Variants in C2CD2 observed in about 807,000 individuals in gnomAD.
C2CD2 encodes the protein C2 calcium dependent domain containing 2, also known as C2 domain-containing protein 2.
Under a neutral mutation model 74.3 loss-of-function variants are expected in C2CD2, and 43 were observed. That is an observed-to-expected ratio of 0.58 (90% CI 0.45 to 0.75). The LOEUF is 0.75. Among genes scored for constraint, C2CD2 ranks in the 30% least tolerant of loss-of-function variants. The pLI is 0.00. For missense variants in C2CD2, 801 were observed against 916.3 expected (o/e 0.87, Z 1.63); for synonymous variants, 422 against 390.7 (o/e 1.08, Z -0.94).
At chr21:41,935,974 G>A (rs1042112291) in intron 2 of C2CD2, among the ~76,000 whole-genome samples, 1 of 151,382 alleles carries the variant, frequency 6.6e-6, no homozygotes, top group African/African-American at 2.4e-5. Flanking sequence ...TTAAATGTGA[G>A]ACCAGAAACT....
At chr21:41,931,600 G>C (rs975827742) in intron 2 of C2CD2, among the ~76,000 whole-genome samples, 10 of 149,452 alleles carry the variant, frequency 6.7e-5, no homozygotes, top group African/African-American at 2.4e-4. Flanking sequence ...TTTTTTGTAT[G>C]TTAGTAGAGA....
Position 41,924,398 on chromosome 21 carries a change from T to C in C2CD2, c.379-2313A>G, listed in dbSNP as rs1367124970. On this transcript the variant is annotated intron_variant, in intron 2 of 13. Coordinates refer to ENST00000380486, the MANE Select transcript of C2CD2 (RefSeq NM_015500.2). The surrounding 1 kb of genome is among the most constrained non-coding windows in gnomAD (Gnocchi z 4.4). ...AAAAGAAAATCCTGCCTTCTCTCAA[T>C]ATTGGCAGAAAGTCGTGCAACTCTT... Among the ~76,000 whole-genome samples, 1 of 152,210 alleles carries C rather than the reference T, an allele frequency of 6.6e-6. No individual in the cohort carries two copies. The highest frequency in any genetic ancestry group is 1.5e-5 in the Non-Finnish European group (1 of 68,046).
chr21:41,931,560 C>T (rs1198720511), intron 2 of C2CD2, among the ~76,000 whole-genome samples: 3 of 149,058 alleles, frequency 2.0e-5, no homozygotes, highest in Admixed American at 1.3e-4. Context: ...GCAGCTGGGA[C>T]TACAGGCGCG....
chr21:41,941,890 T>C (rs1304631460), intron 2 of C2CD2, among the ~76,000 whole-genome samples: 2 of 152,228 alleles, frequency 1.3e-5, no homozygotes, highest in Non-Finnish European at 2.9e-5. Context: ...CTTTTTCTAC[T>C]TGACACGGTA....
In C2CD2 at chr21:41,926,933, CT is replaced by C. The variant is rs764685056; in HGVS notation, c.379-4849del. Among the ~76,000 whole-genome samples the C allele has an allele frequency of 2.6e-5, 4 of 152,304 alleles. 1 individual carries two copies. On this transcript the variant is annotated intron_variant, in intron 2 of 13. Coordinates refer to ENST00000380486, the MANE Select transcript of C2CD2 (RefSeq NM_015500.2). The surrounding 1 kb of genome is among the most constrained non-coding windows in gnomAD (Gnocchi z 8.0). The stretch of plus-strand genomic sequence containing the variant: ...CCCAAATAAAAGGAAGGCAAAGACC[CT>C]TCAGTAATCATCTGGATTTCCTAGT...
chr21:41,897,340 T>A (rs542658327), intron 13 of C2CD2, among the ~76,000 whole-genome samples: 32 of 152,172 alleles, frequency 2.1e-4, no homozygotes, highest in Middle Eastern at 3.4e-3. Context: ...TCCAGTCAGG[T>A]AAGGGAGAGG....
chr21:41,928,742 C>T (rs2065238531), intron 2 of C2CD2, among the ~76,000 whole-genome samples: 1 of 151,990 alleles, frequency 6.6e-6, no homozygotes, highest in South Asian at 2.1e-4. Context: ...TCAGGTAGAA[C>T]ACACGTGCAC....
chr21:41,931,952 G>A (rs1320771724), intron 2 of C2CD2, among the ~76,000 whole-genome samples: 5 of 24,890 alleles, frequency 2.0e-4, no homozygotes, highest in African/African-American at 7.1e-4. Flanking sequence ...CCCACCTCCA[G>A]CATCCCACCA....
rs1378253726 is a variant in C2CD2, at chr21:41,899,550, CCCTT to C, written c.1561-192_1561-189del. 6.6e-6 allele frequency among the ~76,000 whole-genome samples: 1 copy of C among 152,272 alleles called. No individual in the cohort carries two copies. Among genetic ancestry groups the C allele is most frequent in the East Asian group, 1.9e-4 (1 of 5,162 alleles). ...CTCATGCTTGGGTTAAAAAAGGTCT[CCCTT>C]ACAGCCAGGGCTCAGGATCCCTAGG... On this transcript the variant is annotated intron_variant, in intron 12 of 13. Transcript: ENST00000380486. The surrounding 1 kb of genome is among the most constrained non-coding windows in gnomAD (Gnocchi z 4.4).
chr21:41,931,536 C>G (rs887691216), intron 2 of C2CD2, among the ~76,000 whole-genome samples: 13 of 149,030 alleles, frequency 8.7e-5, no homozygotes, highest in Admixed American at 8.1e-4. Flanking sequence ...AATTCCCCTG[C>G]CTCAGCCTCC....
rs185852426 is a variant in C2CD2, at chr21:41,945,677, G to C, written c.280-3432C>G. Among the ~76,000 whole-genome samples, 14 of 152,294 alleles carry C rather than the reference G, an allele frequency of 9.2e-5. No individual in the cohort carries two copies. The East Asian group carries it at 1.5e-3, about 17-fold the overall frequency. ...CACCTGCAGAGGGAGGGAGGTAACT[G>C]GATCATGGGGCAGTCTCTCCCATAC... is the stretch of plus-strand genomic sequence containing the variant. On this transcript the variant is annotated intron_variant, in intron 1 of 13. Coordinates refer to ENST00000380486, the MANE Select transcript of C2CD2 (RefSeq NM_015500.2). This position sits in a 1 kb window ranked among gnomAD's most constrained non-coding sequence, Gnocchi z 4.2.
chr21:41,930,529 C>G (rs2065253182), intron 2 of C2CD2, among the ~76,000 whole-genome samples: 1 of 149,224 alleles, frequency 6.7e-6, no homozygotes, highest in Non-Finnish European at 1.5e-5. Context: ...GGTGAAACTC[C>G]ATCTCTACTA....
In C2CD2 at chr21:41,953,840, C is replaced by T. The variant is rs2065471516; in HGVS notation, c.-192G>A. 1.1e-5 allele frequency: 4 copies of T among 360,286 alleles called. No homozygotes were observed. Among genetic ancestry groups the T allele is most frequent in the Non-Finnish European group, 1.4e-5 (3 of 220,250 alleles). 22.3% of individuals were successfully genotyped at this position (360,286 alleles called of 1,614,324 possible). A position where few individuals can be genotyped will look rare whatever the true frequency, so the allele number is the denominator to read the frequency against. ...GCGGGGAGGAAACGCGCGGCGGCCG[C>T]GGCCCGGGCTGGGCGCAAGCCCCGC... On this transcript the variant is annotated 5_prime_UTR_variant, in exon 1 of 14. Coordinates refer to ENST00000380486, the MANE Select transcript of C2CD2 (RefSeq NM_015500.2).
At chr21:41,935,506 G>A (rs2065299537) in intron 2 of C2CD2, among the ~76,000 whole-genome samples, 1 of 152,132 alleles carries the variant, frequency 6.6e-6, no homozygotes, top group Non-Finnish European at 1.5e-5. Flanking sequence ...CAGAGTGTGG[G>A]AGTATCTGCA....
At chr21:41,935,697 C>A (rs774937045) in intron 2 of C2CD2, among the ~76,000 whole-genome samples, 1 of 152,076 alleles carries the variant, frequency 6.6e-6, no homozygotes, top group Non-Finnish European at 1.5e-5. Flanking sequence ...ACTAAAAATA[C>A]AAAAATTCAC....
At chr21:41,925,544 G>A (rs2065201798) in intron 2 of C2CD2, among the ~76,000 whole-genome samples, 1 of 152,166 alleles carries the variant, frequency 6.6e-6, no homozygotes, top group Admixed American at 6.5e-5. Context: ...AAACATTAGG[G>A]CCAAGTCCTC....
chr21:41,894,588 C>T, intron 13 of C2CD2: 6 of 453,918 alleles, frequency 1.3e-5, no homozygotes, highest in Non-Finnish European at 2.2e-5. Flanking sequence ...ACATCAAAGC[C>T]CGTGGGGTCT....
chr21:41,920,809 C>T (rs555301682), intron 3 of C2CD2, among the ~76,000 whole-genome samples: 4 of 152,204 alleles, frequency 2.6e-5, no homozygotes, highest in Non-Finnish European at 5.9e-5. Context: ...ATATAATAAA[C>T]ACAATGTCAG....
At chr21:41,893,697 T>TC (rs1167114455) in intron 13 of C2CD2, among the ~76,000 whole-genome samples, 19 of 136,230 alleles carry the variant, frequency 1.4e-4, no homozygotes, top group African/African-American at 5.5e-4. Context: ...TTGTTAAATT[T>TC]CTTTTTTTTT....
Sources: allele counts gnomAD v4.1 joint callset (sites outside exome capture counted in the v4.1 genomes callset), GRCh38; gene constraint gnomAD v4.1.1; non-coding constraint Gnocchi (gnomAD v3.1); transcripts MANE v1.5; gene names NCBI Gene and HGNC (gene_info 2026-07-23, HGNC 2026-07-21).